RSRC1: variants seen among roughly 807,000 people sequenced by gnomAD.
RSRC1 encodes the protein arginine and serine rich coiled-coil 1, also known as serine/Arginine-related protein 53.
A neutral mutation model predicts 49.1 loss-of-function variants in RSRC1; 39 were observed. The ratio of observed to expected loss-of-function variants is 0.79; its 90% CI spans 0.61 to 1.04. The LOEUF (loss-of-function observed/expected upper bound fraction) is 1.04, where lower values mean the gene tolerates loss of function less well. Among genes scored for constraint, RSRC1 ranks in the 50% least tolerant of loss-of-function variants. The pLI is 0.00. For missense variants in RSRC1, 388 were observed against 402.4 expected (o/e 0.96, Z 0.31); for synonymous variants, 143 against 130.8 (o/e 1.09, Z -0.63).
chr3:158,148,585 T>G (rs1040714699), intron 3 of RSRC1, among the ~76,000 whole-genome samples: 2 of 152,160 alleles, frequency 1.3e-5, no homozygotes, highest in Non-Finnish European at 2.9e-5. Context: ...TGCCAAGTTT[T>G]GAATGTCATA....
At chr3:158,122,697 T>C (rs1715342817) in intron 2 of RSRC1, among the ~76,000 whole-genome samples, 1 of 152,184 alleles carries the variant, frequency 6.6e-6, no homozygotes, top group Admixed American at 6.5e-5. Context: ...GTCATTTACA[T>C]TAGGTGTATC....
At chr3:158,472,802 C>T (rs1205821814) in intron 7 of RSRC1, among the ~76,000 whole-genome samples, 1 of 152,184 alleles carries the variant, frequency 6.6e-6, no homozygotes, top group Non-Finnish European at 1.5e-5. Flanking sequence ...TGCCTGTTCA[C>T]TCTGATGGTA....
At chr3:158,139,626 T>C (rs1190749804) in intron 3 of RSRC1, among the ~76,000 whole-genome samples, 2 of 141,320 alleles carry the variant, frequency 1.4e-5, no homozygotes, top group South Asian at 2.2e-4. Flanking sequence ...TTTTACTGAA[T>C]CCCATTAGTC....
At chr3:158,215,722 A>T (rs1721913296) in intron 4 of RSRC1, among the ~76,000 whole-genome samples, 2 of 151,734 alleles carry the variant, frequency 1.3e-5, no homozygotes, top group African/African-American at 2.4e-5. Flanking sequence ...GTCTACTTAG[A>T]ATCTGTGTTT....
chr3:158,444,911 C>A (rs947171557), intron 6 of RSRC1, among the ~76,000 whole-genome samples: 5 of 152,152 alleles, frequency 3.3e-5, no homozygotes, highest in African/African-American at 9.7e-5. Context: ...AAATGCTCAT[C>A]ATCACTGGCC....
chr3:158,324,762 T>C (rs1728979864), intron 5 of RSRC1, among the ~76,000 whole-genome samples: 1 of 152,202 alleles, frequency 6.6e-6, no homozygotes. Flanking sequence ...ATGAGATGGC[T>C]AGGTCAAATG....
chr3:158,330,597 A>G (rs921188019), intron 5 of RSRC1, among the ~76,000 whole-genome samples: 1 of 152,028 alleles, frequency 6.6e-6, no homozygotes, highest in South Asian at 2.1e-4. Context: ...CTAGTTCTTT[A>G]TTGTTGGATA....
chr3:158,119,626 A>G (rs1269056873), intron 1 of RSRC1, among the ~76,000 whole-genome samples: 1 of 151,884 alleles, frequency 6.6e-6, no homozygotes, highest in Non-Finnish European at 1.5e-5. Flanking sequence ...GTGTGTGTGT[A>G]TAATATACAC....
At chr3:158,251,125 C>T (rs147859066) in intron 4 of RSRC1, among the ~76,000 whole-genome samples, 297 of 152,072 alleles carry the variant, frequency 2.0e-3, no homozygotes, top group Non-Finnish European at 2.3e-3. Flanking sequence ...AAAATGAGTT[C>T]GCTGTAGGTG....
chr3:158,496,441 CGAGAACCACTG>C (rs1739325320), intron 7 of RSRC1: 1 of 152,258 alleles, frequency 6.6e-6, no homozygotes, highest in African/African-American at 2.4e-5. Flanking sequence ...GAGCACACTT[CGAGAACCACTG>C]GAATAGACCT....
intron 6 of RSRC1, among the ~76,000 whole-genome samples, chr3:158,454,117 C>G (rs1320637062): frequency 6.6e-6 from 1 of 151,962 alleles, no homozygotes; most frequent in Non-Finnish European, 1.5e-5. Flanking sequence ...GAAACTGTGC[C>G]TTTCTAAAGT....
intron 6 of RSRC1, among the ~76,000 whole-genome samples, chr3:158,452,393 A>G (rs1463322334): frequency 6.6e-6 from 1 of 152,186 alleles, no homozygotes; most frequent in Non-Finnish European, 1.5e-5. Context: ...ACATGACAAT[A>G]TTTAAACTGA....
At chr3:158,456,013 AAGG>A (rs1342428230) in intron 6 of RSRC1, among the ~76,000 whole-genome samples, 2 of 140,834 alleles carry the variant, frequency 1.4e-5, no homozygotes, top group African/African-American at 5.3e-5. Context: ...AAAAAAAAAA[AAGG>A]AGCAACACAA....
chr3:158,364,435 A>G (rs1195607617), intron 6 of RSRC1, among the ~76,000 whole-genome samples: 2 of 152,094 alleles, frequency 1.3e-5, no homozygotes, highest in East Asian at 1.9e-4. Context: ...TTTCCCCTAT[A>G]TAGGCTTATG....
chr3:158,454,947 C>T (rs1168268766), intron 6 of RSRC1, among the ~76,000 whole-genome samples: 1 of 152,070 alleles, frequency 6.6e-6, no homozygotes, highest in Non-Finnish European at 1.5e-5. Flanking sequence ...GGCTCCAGCA[C>T]CTCTTATACT....
At chr3:158,471,073 A>T (rs757638140) in intron 7 of RSRC1, among the ~76,000 whole-genome samples, 1 of 152,232 alleles carries the variant, frequency 6.6e-6, no homozygotes. Flanking sequence ...AAGATTATAC[A>T]TCTGAAGAAG....
intron 7 of RSRC1, among the ~76,000 whole-genome samples, chr3:158,505,801 A>G (rs1038955634): frequency 7.1e-6 from 1 of 140,120 alleles, no homozygotes; most frequent in African/African-American, 2.7e-5. Context: ...GAATGTTCCA[A>G]GTAAAGGGAA....
intron 3 of RSRC1, chr3:158,132,012 G>A: frequency 3.3e-6 from 1 of 307,662 alleles, no homozygotes; most frequent in Middle Eastern, 5.6e-4. Flanking sequence ...GAGACAGAGT[G>A]TTGCTCTGTC....
At chr3:158,151,105 G>A (rs1717509905) in intron 3 of RSRC1, among the ~76,000 whole-genome samples, 2 of 152,222 alleles carry the variant, frequency 1.3e-5, no homozygotes, top group Non-Finnish European at 2.9e-5. Context: ...GGTGCATGGC[G>A]GAGGCCCCTG....
Sources: allele counts gnomAD v4.1 joint callset (sites outside exome capture counted in the v4.1 genomes callset), GRCh38; gene constraint gnomAD v4.1.1; transcripts MANE v1.5; gene names NCBI Gene and HGNC (gene_info 2026-07-23, HGNC 2026-07-21).